Variants in RIMKLB observed in about 807,000 individuals in gnomAD.
The protein encoded by RIMKLB is ribosomal modification protein rimK like family member B, also known as beta-citrylglutamate synthase B.
Under a neutral mutation model 32.0 loss-of-function variants are expected in RIMKLB, and 7 were observed. The ratio of observed to expected loss-of-function variants is 0.22; its 90% CI spans 0.12 to 0.41. The LOEUF is 0.41. Among genes scored for constraint, RIMKLB ranks in the 10% least tolerant of loss-of-function variants. The probability of loss-of-function intolerance (pLI) is 1.00; values close to 1 mark genes in which losing one functional copy is unlikely to be tolerated. For missense variants in RIMKLB, 289 were observed against 498.7 expected, an observed-to-expected ratio of 0.58 and a Z score of 4.00; for synonymous variants, 172 against 185.1, an observed-to-expected ratio of 0.93 and a Z score of 0.57.
chr12:8,738,363 A>G (rs1185823780), intron 2 of RIMKLB, among the ~76,000 whole-genome samples: 1 of 152,188 alleles, frequency 6.6e-6, no homozygotes, highest in Non-Finnish European at 1.5e-5. Flanking sequence ...TTTTGAATAT[A>G]CATCCTAAGT....
At chr12:8,676,323 C>CTTG in the RIMKLB span, among the ~76,000 whole-genome samples, 1 of 139,184 alleles carries the variant, frequency 7.2e-6, no homozygotes, top group Non-Finnish European at 1.5e-5. Flanking sequence ...ATCCCCCAGT[C>CTTG]TTGGCCTCCC....
At chr12:8,680,568 T>C (rs1942389933), upstream of RIMKLB, among the ~76,000 whole-genome samples, 1 of 152,192 alleles carries the variant, frequency 6.6e-6, no homozygotes, top group Admixed American at 6.5e-5. Flanking sequence ...TCCTTTACTT[T>C]CTTGATAAAC....
chr12:8,703,503 T>TC (rs1254837690), intron 1 of RIMKLB, among the ~76,000 whole-genome samples: 2 of 152,118 alleles, frequency 1.3e-5, no homozygotes, highest in South Asian at 2.1e-4. Context: ...AATTTTTTTT[T>TC]CTTTCACTTT....
chr12:8,731,064 A>G (rs915017518), intron 2 of RIMKLB, among the ~76,000 whole-genome samples: 1 of 148,406 alleles, frequency 6.7e-6, no homozygotes, highest in African/African-American at 2.5e-5. Context: ...TTGATTGGGC[A>G]TTTGCTTGGT....
intron 2 of RIMKLB, among the ~76,000 whole-genome samples, chr12:8,740,241 C>T (rs150238465): frequency 7.2e-4 from 110 of 152,286 alleles, no homozygotes; most frequent in African/African-American, 2.6e-3. Flanking sequence ...TTCTTTGATA[C>T]GGTAAATAAT....
At chr12:8,778,950 TG>T (rs1357706132), downstream of RIMKLB, 3 of 152,250 alleles carry the variant, frequency 2.0e-5, no homozygotes, top group African/African-American at 7.2e-5. Context: ...GTGCTTCAGT[TG>T]ACTCTTATAA....
At chr12:8,693,200 T>C (rs777687799), upstream of RIMKLB, among the ~76,000 whole-genome samples, 1 of 152,278 alleles carries the variant, frequency 6.6e-6, no homozygotes, top group Admixed American at 6.5e-5. Flanking sequence ...ATTATGTTTT[T>C]CTGGCTGATG....
chr12:8,692,576 T>C (rs1378930682), upstream of RIMKLB, among the ~76,000 whole-genome samples: 1 of 152,240 alleles, frequency 6.6e-6, no homozygotes, highest in Non-Finnish European at 1.5e-5. Context: ...ACCTGTATCA[T>C]GTTTCTTGCC....
intron 5 of RIMKLB, among the ~76,000 whole-genome samples, chr12:8,766,004 CAGA>C (rs1949927943): frequency 1.3e-5 from 2 of 151,976 alleles, no homozygotes; most frequent in African/African-American, 4.8e-5. Flanking sequence ...GGCAGTACTG[CAGA>C]AGAATATAAG....
intron 2 of RIMKLB, chr12:8,742,581 AT>A: frequency 3.0e-6 from 1 of 334,966 alleles, no homozygotes; most frequent in Non-Finnish European, 5.7e-6. Context: ...TGCATCATCA[AT>A]TTGAAGAGGA....
chr12:8,757,954 C>CA (rs1385928004), intron 5 of RIMKLB, among the ~76,000 whole-genome samples: 1 of 142,924 alleles, frequency 7.0e-6, no homozygotes, highest in Non-Finnish European at 1.5e-5. Context: ...GAACTTTTGT[C>CA]TTTTTTTTTT....
At chr12:8,779,895 T>C (rs2138406824), downstream of RIMKLB, 1 of 104,880 alleles carries the variant, frequency 9.5e-6, no homozygotes, top group Middle Eastern at 6.0e-3. Context: ...AATTCTTTTA[T>C]GTATGTATGT....
the RIMKLB span, among the ~76,000 whole-genome samples, chr12:8,673,600 C>CT: frequency 8.3e-3 from 1,197 of 143,654 alleles, 13 homozygotes; most frequent in African/African-American, 0.024. Context: ...ACTCGAGCTT[C>CT]TTTTTTTTTT....
intron 2 of RIMKLB, among the ~76,000 whole-genome samples, chr12:8,743,688 G>T (rs1947800227): frequency 6.6e-6 from 1 of 151,816 alleles, no homozygotes; most frequent in South Asian, 2.1e-4. Flanking sequence ...CTGTCACTCT[G>T]CTTTGACAAC....
At chr12:8,772,115 C>G (rs919856706) in intron 5 of RIMKLB, among the ~76,000 whole-genome samples, 1 of 152,278 alleles carries the variant, frequency 6.6e-6, no homozygotes, top group African/African-American at 2.4e-5. Context: ...TCTTGAACTC[C>G]TGACCTCAAG....
chr12:8,729,226 C>T (rs1281096677), intron 2 of RIMKLB, among the ~76,000 whole-genome samples: 2 of 151,978 alleles, frequency 1.3e-5, no homozygotes, highest in African/African-American at 2.4e-5. Flanking sequence ...ACTCTTGGCA[C>T]CCAAGTTCTT....
intron 1 of RIMKLB, among the ~76,000 whole-genome samples, chr12:8,692,095 T>G (rs1942749935): frequency 6.6e-6 from 1 of 152,188 alleles, no homozygotes; most frequent in Non-Finnish European, 1.5e-5. Context: ...TTTCATTTTT[T>G]TCTTCTTTCA....
At chr12:8,779,978 A>C (rs1466291683), downstream of RIMKLB, 2 of 152,156 alleles carry the variant, frequency 1.3e-5, no homozygotes, top group Non-Finnish European at 2.9e-5. Flanking sequence ...ACTCTTTTGC[A>C]AAAAATATAC....
chr12:8,706,088 A>G (rs937741543), intron 1 of RIMKLB, among the ~76,000 whole-genome samples: 3 of 152,160 alleles, frequency 2.0e-5, no homozygotes, highest in Non-Finnish European at 4.4e-5. Context: ...TAATGATCAC[A>G]ATGGGGAATA....
Sources: allele counts gnomAD v4.1 joint callset (sites outside exome capture counted in the v4.1 genomes callset), GRCh38; gene constraint gnomAD v4.1.1; transcripts MANE v1.5; gene names NCBI Gene and HGNC (gene_info 2026-07-23, HGNC 2026-07-21).